Variants in LRRK1 observed in about 807,000 individuals in gnomAD.
LRRK1 encodes the protein leucine rich repeat kinase 1.
In LRRK1, 113 loss-of-function variants were observed where a neutral mutation model predicts 209.1. The ratio of observed to expected loss-of-function variants is 0.54; its 90% confidence interval spans 0.46 to 0.63. The LOEUF (loss-of-function observed/expected upper bound fraction) is 0.63, where lower values mean the gene tolerates loss of function less well. Among genes scored for constraint, LRRK1 ranks in the 30% least tolerant of loss-of-function variants. LRRK1 has a pLI of 0.00. For synonymous variants in LRRK1, 1,144 were observed against 1,099.7 expected (o/e 1.04, Z -0.80); for missense variants, 2,284 against 2,632.2 (o/e 0.87, Z 2.89).
chr15:100,936,125 C>T (rs1290754019), intron 2 of LRRK1, among the ~76,000 whole-genome samples: 3 of 152,080 alleles, frequency 2.0e-5, no homozygotes, highest in Non-Finnish European at 4.4e-5. Flanking sequence ...AGGTGAGTGA[C>T]GAGTAAAGGA....
intron 2 of LRRK1, among the ~76,000 whole-genome samples, chr15:100,964,133 T>A (rs959386854): frequency 2.0e-5 from 3 of 152,150 alleles, no homozygotes; most frequent in Non-Finnish European, 4.4e-5. Context: ...CGGCCCTGGC[T>A]TTTGCTTTCC....
chr15:101,055,359 C>A, intron 27 of LRRK1, 136 bp downstream of exon 27: 1 of 837,140 alleles, frequency 1.2e-6, no homozygotes, highest in Non-Finnish European at 1.7e-6. Flanking sequence ...CTCCCTTGCT[C>A]AATGAGGGAG....
intron 2 of LRRK1, among the ~76,000 whole-genome samples, chr15:100,965,904 A>G (rs1187526571): frequency 6.6e-6 from 1 of 152,250 alleles, no homozygotes; most frequent in Non-Finnish European, 1.5e-5. Flanking sequence ...ACTGCATTAT[A>G]GCAATGTTCT....
chr15:100,978,638 T>TA (rs1261767542), intron 3 of LRRK1, among the ~76,000 whole-genome samples: 2 of 152,120 alleles, frequency 1.3e-5, no homozygotes, highest in African/African-American at 4.8e-5. Context: ...TCTAAACACA[T>TA]ACATTGGACA....
At chr15:100,930,346 T>C (rs2042189022) in intron 2 of LRRK1, among the ~76,000 whole-genome samples, 2 of 152,210 alleles carry the variant, frequency 1.3e-5, no homozygotes, top group South Asian at 4.1e-4. Flanking sequence ...TCTCAGTCTG[T>C]CTGTGGGCTA....
At chr15:100,952,621 GACCTGACT>G (rs968313756) in intron 2 of LRRK1, among the ~76,000 whole-genome samples, 249 of 152,168 alleles carry the variant, frequency 1.6e-3, no homozygotes, top group African/African-American at 5.6e-3. Flanking sequence ...CTTCTCACAG[GACCTGACT>G]CCTGCCCTGG....
At chr15:101,015,179 G>A (rs1028268581) in intron 11 of LRRK1, 147 bp from the exon 12 acceptor site, 12 of 599,622 alleles carry the variant, frequency 2.0e-5, no homozygotes, top group African/African-American at 1.9e-4. Flanking sequence ...AAAGGCAGCC[G>A]CCACTGCAGC....
Position 101,066,795 on chromosome 15 carries a change from G to A in LRRK1, c.5870+54G>A, listed in dbSNP as rs942149225. On this transcript the variant is annotated intron_variant, in intron 33 of 33. Transcript: ENST00000388948. The stretch of plus-strand genomic sequence containing the variant: ...CCCAGGCAGCAGCATGAGCACAGAA[G>A]GCCCTGCAGCCAGGTCCTGCACAGT... 13 of 1,410,122 alleles carry A rather than the reference G, an allele frequency of 9.2e-6. No individual in the cohort carries two copies. The East Asian group carries it at 1.6e-4, about 17-fold the overall frequency. 87.4% of individuals were successfully genotyped at this position (1,410,122 alleles called of 1,614,324 possible). A position where few individuals can be genotyped will look rare whatever the true frequency, so the allele number is the denominator to read the frequency against.
Position 101,046,153 on chromosome 15 carries a change from G to A in LRRK1, c.3135+1G>A. 1 of 1,614,080 alleles carries A rather than the reference G, an allele frequency of 6.2e-7. No homozygotes were observed. Among genetic ancestry groups the A allele is most frequent in the Non-Finnish European group, 8.5e-7 (1 of 1,179,954 alleles). ...CAGCCTGGCGGAGATGGACCTGCAG[G>A]TATTATGGCTGCGGTTTCTGCATAG... On this transcript the variant is annotated splice_donor_variant, in intron 21 of 33. Coordinates refer to ENST00000388948, the MANE Select transcript of LRRK1 (RefSeq NM_024652.6). LOFTEE classifies it high-confidence loss of function.
At position 101,052,837 on chromosome 15, in the gene LRRK1, T is replaced by C. The variant is rs541077619; in HGVS notation, c.3690-85T>C. The stretch of plus-strand genomic sequence containing the variant: ...CACAGATGGCTTTGAACCATGACTC[T>C]CGGCCGTTGGGGCAAATGACCCAGC... On this transcript the variant is annotated intron_variant, in intron 24 of 33. Transcript: ENST00000388948. 6.1e-6 allele frequency: 9 copies of C among 1,469,248 alleles called. No individual in the cohort carries two copies. The Admixed American group carries it at 1.8e-4, about 30-fold the overall frequency. The allele number at this position is 1,469,248 out of a possible 1,614,324, so 91.0% of individuals were successfully genotyped here.
rs758062446 is a variant in LRRK1, at chr15:101,051,804, C to G, written c.3533C>G (p.Pro1178Arg). 3.7e-6 allele frequency: 6 copies of G among 1,614,094 alleles called. No homozygotes were observed. The South Asian group carries it at 6.6e-5, about 18-fold the overall frequency. The change falls in exon 24 of 34, where the codon CCC becomes CGC. Residue 1178 changes from proline to arginine, a missense_variant. Physicochemically the swap from Pro to Arg is moderately radical, Grantham distance 103. This residue lies in a region of LRRK1 where 780 missense variants were observed against 985.2 expected (regional missense o/e 0.79). Transcript: ENST00000388948. ...CETAWAQHTD[P>R]SEKSEDVQYF... ...ACAGCCTGGGCCCAGCACACGGACC[C>G]CAGTGAGAAATCAGAGGATGTGCAG... is the stretch of plus-strand genomic sequence containing the variant.
intron 20 of LRRK1, 48 bp downstream of exon 20, chr15:101,029,280 A>C: frequency 6.5e-7 from 1 of 1,550,328 alleles, no homozygotes; most frequent in Admixed American, 1.8e-5. Flanking sequence ...GCTCCCCGAA[A>C]GAGGGAGTTG....
rs1185358020 is a variant in LRRK1, at chr15:101,027,511, T to TCCCTCCCTTC, written c.2527-126_2527-125insCCTCCCTTCC. The TCCCTCCCTTC allele has an allele frequency of 3.3e-6, 5 of 1,498,314 alleles. No homozygotes were observed. Among genetic ancestry groups the TCCCTCCCTTC allele is most frequent in the Non-Finnish European group, 4.5e-6 (5 of 1,113,742 alleles). The allele number at this position is 1,498,314 out of a possible 1,614,324, so 92.8% of individuals were successfully genotyped here. ...CTCGGTGGTTCCTGGTGAGGGAGGG[T>TCCCTCCCTTC]CAGGATGGAAGATAGTGGGTGGAAA... On this transcript the variant is annotated intron_variant, in intron 18 of 33. Coordinates refer to ENST00000388948, the MANE Select transcript of LRRK1 (RefSeq NM_024652.6). The surrounding 1 kb of genome is among the most constrained non-coding windows in gnomAD (Gnocchi z 5.1).
chr15:101,036,040 C>A (rs946117815), intron 20 of LRRK1, among the ~76,000 whole-genome samples: 1 of 152,212 alleles, frequency 6.6e-6, no homozygotes, highest in South Asian at 2.1e-4. Flanking sequence ...TGACTTTAGA[C>A]AACTTGACTA....
chr15:101,026,215 G>C (rs2034025895), intron 17 of LRRK1, 78 bp downstream of exon 17: 1 of 1,427,396 alleles, frequency 7.0e-7, no homozygotes, highest in Admixed American at 1.8e-5. Context: ...AGCTTGCAGA[G>C]AGCTCCTGAG....
chr15:101,065,995 C>T lies in LRRK1; in HGVS notation c.5558C>T (p.Ala1853Val). 1 of 1,614,112 alleles carries T rather than the reference C, an allele frequency of 6.2e-7. No homozygotes were observed. Among genetic ancestry groups the T allele is most frequent in the Non-Finnish European group, 8.5e-7 (1 of 1,180,024 alleles). The change falls in exon 32 of 34, where the codon GCC becomes GTC. Residue 1853 changes from alanine (A) to valine (V), a missense_variant. Physicochemically the swap from Ala to Val is moderately conservative, Grantham distance 64 (BLOSUM62 0). Transcript: ENST00000388948. ...TCCTCATCCCCACCCCGCCAGGCTG[C>T]CAGGTCCCCCTCAAGCCTCCCCAGC... ...SYSSSPPRQA[A>V]RSPSSLPSSP...
intron 11 of LRRK1, 81 bp from the exon 12 acceptor site, chr15:101,015,245 G>T: frequency 9.0e-7 from 1 of 1,108,182 alleles, no homozygotes; most frequent in Non-Finnish European, 1.4e-6. Context: ...TATCTCCGTG[G>T]CTTGGCATTA....
intron 16 of LRRK1, among the ~76,000 whole-genome samples, 179 bp downstream of exon 16, chr15:101,025,146 G>A (rs2033966539): frequency 6.6e-6 from 1 of 152,188 alleles, no homozygotes; most frequent in African/African-American, 2.4e-5. Context: ...CCTCTGCTGA[G>A]GGCTGGTGAT....
At position 101,060,698 on chromosome 15, in the gene LRRK1, C is replaced by T. The variant is rs139276663; in HGVS notation, c.4680-473C>T. 2.6e-3 allele frequency among the ~76,000 whole-genome samples: 399 copies of T among 152,318 alleles called. 2 individuals carry two copies. Among genetic ancestry groups the T allele is most frequent in the African/African-American group, 8.7e-3 (361 of 41,594 alleles). ...GGGAGACAGCGATGCCGGGGACAGC[C>T]GGCCTGGTGAGCCAAGGCTCTCGCA... On this transcript the variant is annotated intron_variant, in intron 29 of 33. Coordinates refer to ENST00000388948, the MANE Select transcript of LRRK1 (RefSeq NM_024652.6).
Sources: allele counts gnomAD v4.1 joint callset (sites outside exome capture counted in the v4.1 genomes callset), GRCh38; gene constraint gnomAD v4.1.1; regional missense constraint gnomAD v4.1.1; non-coding constraint Gnocchi (gnomAD v3.1); transcripts MANE v1.5; gene names NCBI Gene and HGNC (gene_info 2026-07-23, HGNC 2026-07-21).